The following JARID2 variants were observed in gnomAD, a reference collection of about 807,000 sequenced individuals.
JARID2 encodes protein Jumonji.
In JARID2, 21 loss-of-function variants were observed where a neutral mutation model predicts 125.6. The ratio of observed to expected loss-of-function variants is 0.17; its 90% CI spans 0.12 to 0.24. The LOEUF (loss-of-function observed/expected upper bound fraction) is 0.24. Ranked by LOEUF, JARID2 falls within the 10% of genes least tolerant of loss-of-function variation. JARID2 has a pLI of 1.00. For missense variants in JARID2, 1,303 were observed against 1,639.6 expected (o/e 0.79, Z 3.55); for synonymous variants, 736 against 661.6 (o/e 1.11, Z -1.73).
chr6:15,468,444 T>A, intron 4 of JARID2, 98 bp from the exon 5 acceptor site: 1 of 1,088,336 alleles, frequency 9.2e-7, no homozygotes, highest in Non-Finnish European at 1.3e-6. Context: ...ATCAGTTGCT[T>A]TGTTTTTTCT....
intron 5 of JARID2, 40 bp downstream of exon 5, chr6:15,468,758 G>A (rs761271980): frequency 6.3e-7 from 1 of 1,576,818 alleles, no homozygotes; most frequent in South Asian, 1.2e-5. Flanking sequence ...AAAATCTAAA[G>A]CTTTGGGTGA....
intron 2 of JARID2, among the ~76,000 whole-genome samples, chr6:15,389,758 G>C (rs531289602): frequency 6.6e-6 from 1 of 152,158 alleles, no homozygotes; most frequent in African/African-American, 2.4e-5. Flanking sequence ...ACCACACAAA[G>C]TGAGGTCGAA....
At chr6:15,481,158 A>AT (rs749340750) in intron 5 of JARID2, among the ~76,000 whole-genome samples, 5 of 152,222 alleles carry the variant, frequency 3.3e-5, no homozygotes, top group Non-Finnish European at 7.3e-5. Context: ...TAGCCTTTGG[A>AT]TTTAAAGATT....
intron 1 of JARID2, 77 bp downstream of exon 1, chr6:15,246,661 C>G: frequency 1.5e-6 from 2 of 1,293,482 alleles, no homozygotes; most frequent in South Asian, 1.2e-5. Context: ...ATAGATAATT[C>G]TGCCTCTGAA....
At chr6:15,247,788 G>A (rs1048876617) in intron 1 of JARID2, 1 of 985,264 alleles carries the variant, frequency 1.0e-6, no homozygotes, top group Admixed American at 6.1e-5. Flanking sequence ...GAAATGCAAG[G>A]TTAAATAATC....
chr6:15,450,842 A>G (rs970880240), intron 3 of JARID2, among the ~76,000 whole-genome samples: 2 of 152,220 alleles, frequency 1.3e-5, no homozygotes, highest in East Asian at 1.9e-4. Context: ...CTTATTGGCT[A>G]CTGTGTTAAA....
chr6:15,509,761 G>A (rs140198202), intron 12 of JARID2, among the ~76,000 whole-genome samples: 31 of 152,358 alleles, frequency 2.0e-4, no homozygotes, highest in East Asian at 1.3e-3. Flanking sequence ...AGTTTCTTCC[G>A]TGTGGGTTTG....
At chr6:15,462,755 C>T (rs748797220) in intron 4 of JARID2, among the ~76,000 whole-genome samples, 13 of 152,148 alleles carry the variant, frequency 8.5e-5, no homozygotes, top group South Asian at 2.1e-4. Flanking sequence ...AGCGATGTTT[C>T]GCTGCTTAAG....
chr6:15,503,343 A>G (rs550203885), intron 8 of JARID2, among the ~76,000 whole-genome samples: 1 of 152,330 alleles, frequency 6.6e-6, no homozygotes, highest in East Asian at 1.9e-4. Flanking sequence ...GCATGGAAGT[A>G]CGTTCCTGTA....
rs112182530 is a variant in JARID2, at chr6:15,328,302, T to C, written c.46-45815T>C. On this transcript the variant is annotated intron_variant, in intron 1 of 17. Coordinates refer to ENST00000341776, the MANE Select transcript of JARID2 (RefSeq NM_004973.4). ...ATTCTCCAAAACATAGTAAAGCTGCTATTTACTGGGCACCCGCTGTGTACC... is the reference window on the plus strand; with the variant it reads ...ATTCTCCAAAACATAGTAAAGCTGCCATTTACTGGGCACCCGCTGTGTACC... Among the ~76,000 whole-genome samples, 1,247 of 152,314 alleles carry C rather than the reference T, an allele frequency of 8.2e-3. 8 individuals carry two copies. The highest frequency in any genetic ancestry group is 0.042 in the South Asian group (203 of 4,818).
chr6:15,514,638 C>A (rs940845665), intron 16 of JARID2, among the ~76,000 whole-genome samples: 1 of 152,198 alleles, frequency 6.6e-6, no homozygotes, highest in Admixed American at 6.5e-5. Context: ...ATCGTCAGAT[C>A]GTCAGATCAG....
intron 2 of JARID2, among the ~76,000 whole-genome samples, chr6:15,407,090 T>C (rs550834297): frequency 1.3e-5 from 2 of 151,680 alleles, no homozygotes; most frequent in South Asian, 4.2e-4. Flanking sequence ...CAAGACCCCA[T>C]GTATAAAAAA....
rs150781141 is a variant in JARID2 at position 15,288,720 on chromosome 6, A to G, written c.45+42136A>G. On this transcript the variant is annotated intron_variant, in intron 1 of 17. Transcript: ENST00000341776. ...TTCAGGCCTCAGCTTGATCCTTTGC[A>G]AAAATGAGGGAGTTCCCTCCTAAGA... Among the ~76,000 whole-genome samples, 1,002 of 152,308 alleles carry G rather than the reference A, an allele frequency of 6.6e-3. 6 individuals are homozygous for G. Among genetic ancestry groups the G allele is most frequent in the South Asian group, 0.031 (149 of 4,826 alleles).
chr6:15,315,365 C>T (rs936723297), intron 1 of JARID2, among the ~76,000 whole-genome samples: 21 of 152,120 alleles, frequency 1.4e-4, no homozygotes, highest in Non-Finnish European at 1.3e-4. Flanking sequence ...GGATTAATTA[C>T]GAAGGTTGAT....
At chr6:15,255,556 A>C (rs1246917581) in intron 1 of JARID2, among the ~76,000 whole-genome samples, 2 of 152,104 alleles carry the variant, frequency 1.3e-5, no homozygotes, top group African/African-American at 2.4e-5. Context: ...TTGATCTCTT[A>C]AAATCTTGGT....
At chr6:15,449,956 A>G (rs778881236) in intron 3 of JARID2, among the ~76,000 whole-genome samples, 1 of 152,178 alleles carries the variant, frequency 6.6e-6, no homozygotes, top group Non-Finnish European at 1.5e-5. Context: ...TGGAGGATTT[A>G]TGAGGTTAAA....
intron 1 of JARID2, among the ~76,000 whole-genome samples, chr6:15,297,435 T>C (rs1437334064): frequency 6.6e-6 from 1 of 151,600 alleles, no homozygotes; most frequent in Non-Finnish European, 1.5e-5. Context: ...CCGCCCGGCC[T>C]GGTTGTGTTT....
intron 6 of JARID2, 142 bp from the exon 7 acceptor site, chr6:15,495,990 C>G: frequency 1.4e-6 from 1 of 705,466 alleles, no homozygotes; most frequent in South Asian, 1.8e-5. Flanking sequence ...CTGGTATTTC[C>G]ACATCTCTTC....
At chr6:15,407,278 CA>C (rs1765689024) in intron 2 of JARID2, among the ~76,000 whole-genome samples, 1 of 151,802 alleles carries the variant, frequency 6.6e-6, no homozygotes. Context: ...CCCCACCCCC[CA>C]AAAAACAAGT....
Sources: allele counts gnomAD v4.1 joint callset (sites outside exome capture counted in the v4.1 genomes callset), GRCh38; gene constraint gnomAD v4.1.1; transcripts MANE v1.5; gene names NCBI Gene and HGNC (gene_info 2026-07-23, HGNC 2026-07-21).